The following SORCS3 variants were observed in gnomAD, a reference collection of about 807,000 sequenced individuals.
SORCS3 encodes VPS10 domain-containing receptor SorCS3.
A neutral mutation model predicts 146.3 loss-of-function variants in SORCS3; 57 were observed. The observed-to-expected ratio is 0.39, with a 90% CI of 0.31 to 0.49. The LOEUF (loss-of-function observed/expected upper bound fraction) is 0.49. Among genes scored for constraint, SORCS3 ranks in the 20% least tolerant of loss-of-function variants. SORCS3 has a pLI of 0.92. For missense variants in SORCS3, 1,341 were observed against 1,575.5 expected (o/e 0.85, Z 2.52); for synonymous variants, 653 against 618.5 (o/e 1.06, Z -0.83).
At chr10:105,091,344 G>C (rs1455345249) in intron 6 of SORCS3, among the ~76,000 whole-genome samples, 41 of 14,352 alleles carry the variant, frequency 2.9e-3, no homozygotes, top group Admixed American at 6.9e-3. Context: ...TCCTTCCTTC[G>C]TTCCTTCCTT....
At chr10:104,983,080 A>G (rs998836642) in intron 4 of SORCS3, among the ~76,000 whole-genome samples, 16 of 151,822 alleles carry the variant, frequency 1.1e-4, no homozygotes, top group Non-Finnish European at 2.9e-5. Context: ...GTTCACTGCA[A>G]CCTCCATCTC....
At chr10:104,974,463 A>G (rs553394987) in intron 3 of SORCS3, among the ~76,000 whole-genome samples, 19 of 151,980 alleles carry the variant, frequency 1.3e-4, no homozygotes, top group Non-Finnish European at 2.2e-4. Context: ...CCTTCTTTGT[A>G]TCTTTTGATC....
chr10:104,720,009 G>A (rs558627801), intron 1 of SORCS3, among the ~76,000 whole-genome samples: 2 of 151,918 alleles, frequency 1.3e-5, no homozygotes, highest in African/African-American at 4.8e-5. Flanking sequence ...AAGTTTTAGG[G>A]TACATGTGCA....
intron 1 of SORCS3, among the ~76,000 whole-genome samples, chr10:104,840,043 T>C (rs567621630): frequency 2.5e-4 from 38 of 152,310 alleles, no homozygotes; most frequent in African/African-American, 8.4e-4. Flanking sequence ...CTGCCTAGTA[T>C]TCCTGTTGCT....
rs1185381187 is a variant in SORCS3 at position 105,245,670 on chromosome 10, G to A, written c.2992+5G>A. On this transcript the variant is annotated splice_donor_5th_base_variant and intron_variant, in intron 21 of 26. Coordinates refer to ENST00000369701, the MANE Select transcript of SORCS3 (RefSeq NM_014978.3). ...CAAAAGAGATTGCAGTTCATGGTAA[G>A]CCCTGAAAATTGTTCTGTGATGCTC... 1 of 1,613,842 alleles carries A rather than the reference G, an allele frequency of 6.2e-7. No homozygotes were observed. The highest frequency in any genetic ancestry group is 1.7e-5 in the Admixed American group (1 of 59,988).
chr10:104,850,203 T>C (rs1465811525), intron 2 of SORCS3, among the ~76,000 whole-genome samples: 1 of 152,194 alleles, frequency 6.6e-6, no homozygotes, highest in Non-Finnish European at 1.5e-5. Context: ...GAATTACTTG[T>C]GGAATGTGTT....
intron 1 of SORCS3, among the ~76,000 whole-genome samples, chr10:104,746,297 T>C (rs1480451324): frequency 2.0e-5 from 3 of 152,050 alleles, no homozygotes; most frequent in Non-Finnish European, 4.4e-5. Flanking sequence ...CCACTACGCC[T>C]GGCTAATTTT....
At chr10:104,875,441 C>T (rs931092133) in intron 2 of SORCS3, among the ~76,000 whole-genome samples, 12 of 152,126 alleles carry the variant, frequency 7.9e-5, no homozygotes, top group Admixed American at 5.9e-4. Context: ...CACAATGAGG[C>T]ACAATGATAG....
At chr10:104,733,202 T>C (rs564286399) in intron 1 of SORCS3, among the ~76,000 whole-genome samples, 1 of 152,144 alleles carries the variant, frequency 6.6e-6, no homozygotes, top group African/African-American at 2.4e-5. Flanking sequence ...GGGGAAGGCA[T>C]GTACTACTCT....
chr10:104,862,488 A>T (rs1447350668), intron 2 of SORCS3, among the ~76,000 whole-genome samples: 3 of 151,982 alleles, frequency 2.0e-5, no homozygotes, highest in Non-Finnish European at 4.4e-5. Context: ...TTATTATAAA[A>T]TTTTTACTTT....
chr10:105,041,733 G>T (rs886350648), intron 4 of SORCS3, among the ~76,000 whole-genome samples: 3 of 152,062 alleles, frequency 2.0e-5, no homozygotes, highest in Non-Finnish European at 2.9e-5. Flanking sequence ...TCCAGATGGC[G>T]AAGTTATCCA....
At chr10:104,797,562 T>G (rs1481069578) in intron 1 of SORCS3, among the ~76,000 whole-genome samples, 1 of 152,114 alleles carries the variant, frequency 6.6e-6, no homozygotes, top group East Asian at 1.9e-4. Flanking sequence ...ATATTGTTTG[T>G]AATTGTTTGA....
intron 7 of SORCS3, among the ~76,000 whole-genome samples, chr10:105,124,287 A>G (rs566445223): frequency 5.2e-4 from 79 of 152,278 alleles, no homozygotes; most frequent in African/African-American, 1.6e-3. Context: ...TATAATGAAG[A>G]TGTTTAAAGG....
chr10:105,045,021 G>GAAA (rs35904016), intron 5 of SORCS3, among the ~76,000 whole-genome samples: 142 of 117,974 alleles, frequency 1.2e-3, no homozygotes, highest in Non-Finnish European at 1.6e-3. Context: ...TCCAGAATTC[G>GAAA]AAAAAAAAAA....
At chr10:104,718,661 G>A (rs1269467325) in intron 1 of SORCS3, among the ~76,000 whole-genome samples, 3 of 152,188 alleles carry the variant, frequency 2.0e-5, no homozygotes, top group African/African-American at 7.2e-5. Context: ...ATAGATTGCA[G>A]TAATGGGCCC....
chr10:105,012,456 A>T (rs2055141246), intron 4 of SORCS3, among the ~76,000 whole-genome samples: 2 of 152,056 alleles, frequency 1.3e-5, no homozygotes, highest in African/African-American at 4.8e-5. Flanking sequence ...GAAGTTCAGT[A>T]TGGTTGATAA....
At chr10:104,964,746 C>A (rs1234995830) in intron 3 of SORCS3, among the ~76,000 whole-genome samples, 1 of 151,976 alleles carries the variant, frequency 6.6e-6, no homozygotes, top group East Asian at 1.9e-4. Context: ...ATGCAATTTG[C>A]CGTCTTCCCA....
chr10:105,088,653 G>A (rs927365462), intron 5 of SORCS3, among the ~76,000 whole-genome samples: 12 of 152,240 alleles, frequency 7.9e-5, no homozygotes, highest in Middle Eastern at 6.8e-3. Flanking sequence ...CTTCAGCCCC[G>A]CAACATAGAT....
At chr10:104,807,322 C>T (rs999163506) in intron 1 of SORCS3, among the ~76,000 whole-genome samples, 2 of 152,054 alleles carry the variant, frequency 1.3e-5, no homozygotes, top group Non-Finnish European at 2.9e-5. Context: ...TTTGGGGATT[C>T]CTTGGCCCAT....
Sources: gnomAD v4.1 joint callset for allele counts (sites outside exome capture counted in the v4.1 genomes callset) on GRCh38, gnomAD v4.1.1 for gene constraint, MANE v1.5 for transcripts, NCBI Gene and HGNC (gene_info 2026-07-23, HGNC 2026-07-21) for gene names.